The following ASAP1 variants were observed in gnomAD, a reference collection of about 807,000 sequenced individuals.
ASAP1 encodes arf-GAP with SH3 domain, ANK repeat and PH domain-containing protein 1.
In ASAP1, 43 loss-of-function variants were observed where a neutral mutation model predicts 145.2. That is an observed-to-expected ratio of 0.30 (90% confidence interval 0.23 to 0.38). The LOEUF (loss-of-function observed/expected upper bound fraction) is 0.38, where lower values mean the gene tolerates loss of function less well. ASAP1 is among the 10% of genes least tolerant of loss of function. The pLI is 1.00. For missense variants in ASAP1, 1,018 were observed against 1,355.3 expected (o/e 0.75, Z 3.91); for synonymous variants, 546 against 515.5 (o/e 1.06, Z -0.80).
rs749350012 is a variant in ASAP1 at position 130,060,815 on chromosome 8, T to C, written c.2956A>G (p.Met986Val). Residue 986 changes from methionine to valine, a missense_variant, in exon 28 of 30, where the codon ATG becomes GTG. Physicochemically the swap from Met to Val is conservative, Grantham distance 21. This residue lies in a region of ASAP1 where 139 missense variants were observed against 131.0 expected (regional missense o/e 1.06). Transcript: ENST00000518721. ...QLSDLPPKPQ[M>V]KDLPPKPQLG... ...TGTGGTTTGGGGGGCAGGTCCTTCA[T>C]CTGTGGTTTGGGAGGTAAGTCTGAG... 3.7e-6 allele frequency: 6 copies of C among 1,613,204 alleles called. No individual in the cohort carries two copies. Among genetic ancestry groups the C allele is most frequent in the South Asian group, 1.1e-5 (1 of 91,034 alleles).
At chr8:130,420,310 A>G (rs79510747) in intron 1 of ASAP1, among the ~76,000 whole-genome samples, 259 of 152,106 alleles carry the variant, frequency 1.7e-3, no homozygotes, top group Middle Eastern at 0.014. Context: ...GCGAGGATGT[A>G]GAGAAACTGG....
intron 24 of ASAP1, among the ~76,000 whole-genome samples, chr8:130,111,492 A>G (rs1321006988): frequency 2.0e-5 from 3 of 152,226 alleles, no homozygotes; most frequent in Non-Finnish European, 2.9e-5. Flanking sequence ...GTATCTCTGA[A>G]CAAATCCCCT....
At position 130,119,241 on chromosome 8, in the gene ASAP1, C is replaced by T. The variant is rs921898517; in HGVS notation, c.1608-566G>A. Among the ~76,000 whole-genome samples the T allele has an allele frequency of 2.4e-4, 36 of 152,090 alleles. 1 individual carries two copies. Among genetic ancestry groups the T allele is most frequent in the African/African-American group, 7.7e-4 (32 of 41,388 alleles). ...TTACAGGTGTGAGCCGGCCTGTACCCGGCCATAACTCTCTATTTTATAGGT... is the reference window on the plus strand; with the variant it reads ...TTACAGGTGTGAGCCGGCCTGTACCTGGCCATAACTCTCTATTTTATAGGT... On this transcript the variant is annotated intron_variant, in intron 18 of 29. Transcript: ENST00000518721.
intron 29 of ASAP1, among the ~76,000 whole-genome samples, chr8:130,056,830 T>C (rs1360506989): frequency 6.6e-6 from 1 of 152,206 alleles, no homozygotes; most frequent in African/African-American, 2.4e-5. Flanking sequence ...TTCACCCTGA[T>C]GTCAGGAAAT....
At chr8:130,230,182 T>A (rs901601708) in intron 4 of ASAP1, among the ~76,000 whole-genome samples, 1 of 152,114 alleles carries the variant, frequency 6.6e-6, no homozygotes, top group Non-Finnish European at 1.5e-5. Flanking sequence ...ATGATGTACA[T>A]TCCCCAAAGA....
chr8:130,157,371 G>C (rs1201985497), intron 12 of ASAP1, among the ~76,000 whole-genome samples: 1 of 152,126 alleles, frequency 6.6e-6, no homozygotes, highest in East Asian at 1.9e-4. Context: ...AGCAAGTCCT[G>C]CTGCCCCTGC....
intron 2 of ASAP1, among the ~76,000 whole-genome samples, chr8:130,397,905 G>C (rs1828607903): frequency 6.6e-6 from 1 of 152,252 alleles, no homozygotes; most frequent in Non-Finnish European, 1.5e-5. Context: ...CATGAGGGCA[G>C]GGTCATGTCT....
At position 130,053,573 on chromosome 8, in the gene ASAP1, G is replaced by A. The variant is rs764192072; in HGVS notation, c.*1158C>T. On this transcript the variant is annotated 3_prime_UTR_variant, in exon 30 of 30. Coordinates refer to ENST00000518721, the MANE Select transcript of ASAP1 (RefSeq NM_018482.4). ...ATCTATAATTGGGGTTTAACAAAGA[G>A]CATGGGAAAAGAAACACTTGGTTTC... 3 of 152,210 alleles carry A rather than the reference G, an allele frequency of 2.0e-5. No individual in the cohort carries two copies. Among genetic ancestry groups the A allele is most frequent in the Non-Finnish European group, 4.4e-5 (3 of 68,022 alleles). The allele number at this position is 152,210 out of a possible 1,614,324, so 9.4% of individuals were successfully genotyped here.
chr8:130,074,407 G>C (rs1245479774), intron 27 of ASAP1, among the ~76,000 whole-genome samples: 1 of 148,236 alleles, frequency 6.7e-6, no homozygotes, highest in Non-Finnish European at 1.5e-5. Context: ...TTGTATTTCT[G>C]TATATGTTTA....
chr8:130,380,886 T>C (rs373611327), intron 2 of ASAP1, among the ~76,000 whole-genome samples: 1 of 151,804 alleles, frequency 6.6e-6, no homozygotes, highest in Non-Finnish European at 1.5e-5. Context: ...CCTGGCTACT[T>C]TATTTATTTA....
chr8:130,141,845 G>A (rs2097612416), intron 13 of ASAP1, among the ~76,000 whole-genome samples: 1 of 151,850 alleles, frequency 6.6e-6, no homozygotes, highest in Non-Finnish European at 1.5e-5. Context: ...AGCCTCCCAA[G>A]TAGCTGGGAC....
chr8:130,364,763 C>A (rs1826872429), intron 2 of ASAP1, among the ~76,000 whole-genome samples: 2 of 152,098 alleles, frequency 1.3e-5, no homozygotes, highest in South Asian at 4.1e-4. Context: ...AGGATATTGG[C>A]ACCATTCAGA....
intron 5 of ASAP1, chr8:130,208,542 G>T (rs1332439747): frequency 6.6e-6 from 1 of 152,132 alleles, no homozygotes; most frequent in Non-Finnish European, 1.5e-5. Context: ...ACTCTTTTAG[G>T]GAACTTTTTT....
At chr8:130,278,278 C>T (rs1036121545) in intron 3 of ASAP1, among the ~76,000 whole-genome samples, 5 of 151,838 alleles carry the variant, frequency 3.3e-5, no homozygotes, top group South Asian at 2.1e-4. Flanking sequence ...AGGATGGACA[C>T]GACCAACCAC....
At chr8:130,188,624 C>G (rs1350041142) in intron 5 of ASAP1, among the ~76,000 whole-genome samples, 1 of 146,764 alleles carries the variant, frequency 6.8e-6, no homozygotes, top group Non-Finnish European at 1.5e-5. Flanking sequence ...GTTCCAGCTA[C>G]CTGGGAGGCT....
At chr8:130,064,863 CACTT>C (rs1250694251) in intron 27 of ASAP1, among the ~76,000 whole-genome samples, 4 of 151,574 alleles carry the variant, frequency 2.6e-5, no homozygotes, top group East Asian at 1.9e-4. Flanking sequence ...CTCAAAGAAA[CACTT>C]ACCTAAGTTT....
rs7463951 is a variant in ASAP1 at position 130,229,314 on chromosome 8, G to A, written c.259+7608C>T. Among the ~76,000 whole-genome samples the A allele has an allele frequency of 7.2e-3, 1,103 of 152,292 alleles. 16 individuals carry two copies. Among genetic ancestry groups the A allele is most frequent in the African/African-American group, 0.025 (1,057 of 41,564 alleles). On this transcript the variant is annotated intron_variant, in intron 4 of 29. Coordinates refer to ENST00000518721, the MANE Select transcript of ASAP1 (RefSeq NM_018482.4). Reference sequence around the variant, plus strand: ...CACACACATATGACTGCTTGTTAGAGGTTGTCATGGCATGGTTGTTTTCAG... The same window carrying A: ...CACACACATATGACTGCTTGTTAGAAGTTGTCATGGCATGGTTGTTTTCAG...
chr8:130,255,636 A>T (rs932077543), intron 3 of ASAP1, among the ~76,000 whole-genome samples: 3 of 152,184 alleles, frequency 2.0e-5, no homozygotes, highest in African/African-American at 7.2e-5. Flanking sequence ...TCAAATAACA[A>T]AAAGTTGCTT....
intron 1 of ASAP1, among the ~76,000 whole-genome samples, chr8:130,426,962 C>A (rs1829942277): frequency 6.6e-6 from 1 of 152,144 alleles, no homozygotes; most frequent in Non-Finnish European, 1.5e-5. Context: ...TTGTCCCGCC[C>A]CTAGAATACC....
Sources: allele counts gnomAD v4.1 joint callset (sites outside exome capture counted in the v4.1 genomes callset), GRCh38; gene constraint gnomAD v4.1.1; regional missense constraint gnomAD v4.1.1; transcripts MANE v1.5; gene names NCBI Gene and HGNC (gene_info 2026-07-23, HGNC 2026-07-21).